Variants in LRP1B observed in about 807,000 individuals in gnomAD.
LRP1B encodes the protein LDL receptor related protein 1B.
LRP1B carries 217 observed loss-of-function variants against 556.6 expected under a neutral mutation model. The ratio of observed to expected loss-of-function variants is 0.39; its 90% confidence interval spans 0.35 to 0.44. The LOEUF (loss-of-function observed/expected upper bound fraction) is 0.44, where lower values mean the gene tolerates loss of function less well. Ranked by LOEUF, LRP1B falls within the 20% of genes least tolerant of loss-of-function variation. The pLI, the probability that LRP1B is intolerant of heterozygous loss-of-function variation, is 1.00. For synonymous variants in LRP1B, 2,047 were observed against 1,865.8 expected (o/e 1.10, Z -2.50); for missense variants, 5,053 against 5,620.8 (o/e 0.90, Z 3.23).
At chr2:140,659,980 G>A (rs891801709) in intron 41 of LRP1B, among the ~76,000 whole-genome samples, 12 of 151,580 alleles carry the variant, frequency 7.9e-5, no homozygotes, top group African/African-American at 2.9e-4. Context: ...TTGTTTTCAG[G>A]CAATATTAGG....
At chr2:140,244,820 G>T (rs1573675664) in intron 87 of LRP1B, among the ~76,000 whole-genome samples, 2 of 151,320 alleles carry the variant, frequency 1.3e-5, no homozygotes, top group Non-Finnish European at 3.0e-5. Context: ...TGATAGAAAT[G>T]CAGATTTGAA....
At chr2:140,737,798 T>A (rs886835148) in intron 35 of LRP1B, among the ~76,000 whole-genome samples, 3 of 152,174 alleles carry the variant, frequency 2.0e-5, no homozygotes, top group African/African-American at 7.2e-5. Context: ...GTCTGGCCCC[T>A]GCAAAAACTA....
chr2:140,321,232 TTG>T (rs995093372), intron 82 of LRP1B, among the ~76,000 whole-genome samples: 50 of 112,872 alleles, frequency 4.4e-4, no homozygotes, highest in African/African-American at 1.6e-3. Context: ...CCATACTGTT[TTG>T]TGTTTTTTTT....
intron 1 of LRP1B, among the ~76,000 whole-genome samples, chr2:141,951,753 AACT>A (rs1701111036): frequency 6.6e-6 from 1 of 152,174 alleles, no homozygotes; most frequent in Non-Finnish European, 1.5e-5. Context: ...CCAGAAAGTT[AACT>A]TATGTATAAA....
At chr2:140,946,146 A>G (rs1209941827) in intron 20 of LRP1B, among the ~76,000 whole-genome samples, 1 of 152,210 alleles carries the variant, frequency 6.6e-6, no homozygotes. Context: ...CAAAACCACA[A>G]TGAAATAACA....
intron 3 of LRP1B, among the ~76,000 whole-genome samples, chr2:141,377,358 G>GT (rs1190991614): frequency 6.6e-6 from 1 of 152,002 alleles, no homozygotes; most frequent in Non-Finnish European, 1.5e-5. Flanking sequence ...AATGAATTGT[G>GT]TTTTTTCTTT....
chr2:141,070,595 G>A lies in LRP1B; in HGVS notation c.1014-8322C>T, dbSNP rs528112790. On this transcript the variant is annotated intron_variant, in intron 7 of 90. Transcript: ENST00000389484. ...GTTTTTTGAAAGGATCAACAAAATT[G>A]ATAGACCACTAGCAAGATCAATAAA... Among the ~76,000 whole-genome samples the A allele has an allele frequency of 7.7e-4, 117 of 151,962 alleles. 1 individual carries two copies. The South Asian group carries it at 0.017, about 23-fold the overall frequency.
intron 84 of LRP1B, among the ~76,000 whole-genome samples, chr2:140,295,573 G>A (rs781682714): frequency 2.0e-5 from 3 of 152,098 alleles, no homozygotes; most frequent in Non-Finnish European, 2.9e-5. Flanking sequence ...GTAACTTGGG[G>A]ATGCGACCTG....
At position 140,370,793 on chromosome 2, in the gene LRP1B, T is replaced by C; in HGVS notation, c.10925A>G (p.Lys3642Arg). 1 of 1,612,822 alleles carries C rather than the reference T, an allele frequency of 6.2e-7. No homozygotes were observed. Among genetic ancestry groups the C allele is most frequent in the Middle Eastern group, 1.7e-4 (1 of 6,054 alleles). The change falls in exon 71 of 91, where the codon AAA (lysine) becomes AGA (arginine). Residue 3642 changes from lysine to arginine, a missense_variant. Physicochemically the swap from Lys to Arg is conservative, Grantham distance 26. Coordinates refer to ENST00000389484, the MANE Select transcript of LRP1B (RefSeq NM_018557.3). ...CKEDQFRCKN[K>R]AHCIPIRWLC... The stretch of plus-strand genomic sequence containing the variant: ...CCATCTAATTGGAATACAGTGGGCT[T>C]TATTTTTGCACCGAAACTGATCTTC...
chr2:141,229,218 T>C lies in LRP1B; in HGVS notation c.815A>G (p.Asp272Gly). The change falls in exon 6 of 91, where the codon GAT (aspartate) becomes GGT (glycine). Residue 272 changes from aspartate (D) to glycine (G), a missense_variant. Coordinates refer to ENST00000389484, the MANE Select transcript of LRP1B (RefSeq NM_018557.3). Reference protein sequence around the residue: ...IQITKAGGLTDEWTINILQSF... With the variant: ...IQITKAGGLTGEWTINILQSF... ...TTGAAGAATATTGATTGTCCATTCA[T>C]CTGTTAATCCTCCTGCTTTTGTTAT... 2 of 1,613,282 alleles carry C rather than the reference T, an allele frequency of 1.2e-6. No homozygotes were observed. Among genetic ancestry groups the C allele is most frequent in the African/African-American group, 2.7e-5 (2 of 75,032 alleles).
At chr2:140,930,629 G>T (rs1695020715) in intron 20 of LRP1B, among the ~76,000 whole-genome samples, 1 of 152,134 alleles carries the variant, frequency 6.6e-6, no homozygotes, top group South Asian at 2.1e-4. Context: ...TGTGAGGCCA[G>T]TCTGAGGGAG....
rs541961807 is a variant in LRP1B at position 140,541,219 on chromosome 2, A to G, written c.7388-121T>C. 138 of 854,162 alleles carry G rather than the reference A, an allele frequency of 1.6e-4. 1 individual carries two copies. The highest frequency in any genetic ancestry group is 1.0e-3 in the Middle Eastern group (4 of 3,972). 52.9% of individuals were successfully genotyped at this position (854,162 alleles called of 1,614,324 possible). On this transcript the variant is annotated intron_variant, in intron 44 of 90. Transcript: ENST00000389484. ...CTCAATAATATGTCATTAAAAAGGA[A>G]CATTCAGGATTTTTGAAAATCTAAG...
At chr2:140,256,152 T>C (rs1416464760) in intron 86 of LRP1B, among the ~76,000 whole-genome samples, 1 of 152,128 alleles carries the variant, frequency 6.6e-6, no homozygotes, top group Non-Finnish European at 1.5e-5. Flanking sequence ...TTATTTTAAA[T>C]TTAAGTGCTA....
At chr2:141,070,876 C>A (rs1479133146) in intron 7 of LRP1B, among the ~76,000 whole-genome samples, 2 of 151,888 alleles carry the variant, frequency 1.3e-5, no homozygotes, top group Non-Finnish European at 2.9e-5. Context: ...GCTTACCAAC[C>A]AAAAAGAGTC....
chr2:141,615,339 A>G (rs993607122), intron 2 of LRP1B, among the ~76,000 whole-genome samples: 1 of 152,240 alleles, frequency 6.6e-6, no homozygotes, highest in African/African-American at 2.4e-5. Flanking sequence ...CATGATATTC[A>G]TCATTTATTG....
chr2:141,430,252 A>G (rs78377815), intron 3 of LRP1B, among the ~76,000 whole-genome samples: 5,378 of 152,320 alleles, frequency 0.035, 298 homozygotes, highest in African/African-American at 0.12. Flanking sequence ...TAAGCAAAGC[A>G]TCTTAATGAA....
intron 7 of LRP1B, among the ~76,000 whole-genome samples, chr2:141,131,052 C>T (rs571450731): frequency 2.0e-4 from 31 of 152,082 alleles, no homozygotes; most frequent in Middle Eastern, 6.8e-3. Context: ...ACCTAGATGA[C>T]GGGTTCATAG....
At chr2:141,756,345 ATG>A (rs1193102386) in intron 2 of LRP1B, among the ~76,000 whole-genome samples, 1 of 152,148 alleles carries the variant, frequency 6.6e-6, no homozygotes, top group Non-Finnish European at 1.5e-5. Context: ...TTCAAATTAA[ATG>A]ATTTGACCAG....
intron 2 of LRP1B, among the ~76,000 whole-genome samples, chr2:141,807,657 T>C (rs1696207479): frequency 6.6e-6 from 1 of 152,142 alleles, no homozygotes; most frequent in Non-Finnish European, 1.5e-5. Context: ...TTTAATTAAC[T>C]GACACGCAAT....
Sources: gnomAD v4.1 joint callset for allele counts (sites outside exome capture counted in the v4.1 genomes callset) on GRCh38, gnomAD v4.1.1 for gene constraint, MANE v1.5 for transcripts, NCBI Gene and HGNC (gene_info 2026-07-23, HGNC 2026-07-21) for gene names.